NEK10: variants seen among roughly 807,000 people sequenced by gnomAD.
NEK10 encodes the protein NIMA related kinase 10, also known as serine/threonine-protein kinase Nek10.
A neutral mutation model predicts 159.8 loss-of-function variants in NEK10; 122 were observed. The ratio of observed to expected loss-of-function variants is 0.76; its 90% CI spans 0.66 to 0.89. The LOEUF is 0.89. NEK10 is among the 40% of genes least tolerant of loss of function. The probability of loss-of-function intolerance (pLI) is 0.00; values close to 1 mark genes in which losing one functional copy is unlikely to be tolerated. For synonymous variants in NEK10, 466 were observed against 457.1 expected (o/e 1.02, Z -0.25); for missense variants, 1,342 against 1,323.1 (o/e 1.01, Z -0.22).
chr3:27,151,502 A>T (rs1018212688), intron 30 of NEK10, among the ~76,000 whole-genome samples: 6 of 152,294 alleles, frequency 3.9e-5, no homozygotes, highest in African/African-American at 1.2e-4. Context: ...AAGAATCTCA[A>T]CAACAGCCTT....
intron 3 of NEK10, among the ~76,000 whole-genome samples, chr3:27,350,506 A>C (rs904426779): frequency 2.0e-5 from 3 of 152,236 alleles, no homozygotes; most frequent in Non-Finnish European, 2.9e-5. Context: ...TGAAACTTTT[A>C]TAAACACAAT....
chr3:27,282,637 G>T (rs1199621223), intron 22 of NEK10, among the ~76,000 whole-genome samples: 2 of 122,266 alleles, frequency 1.6e-5, no homozygotes, highest in African/African-American at 3.0e-5. Context: ...ATACATAACT[G>T]TGTTATATAT....
chr3:27,352,715 G>A, intron 2 of NEK10, 97 bp downstream of exon 2: 2 of 884,066 alleles, frequency 2.3e-6, no homozygotes, highest in Non-Finnish European at 3.7e-6. Context: ...CTGAATAGTA[G>A]TTGTCAAGAG....
At chr3:27,153,228 A>G (rs1258223544) in intron 30 of NEK10, among the ~76,000 whole-genome samples, 3 of 151,800 alleles carry the variant, frequency 2.0e-5, no homozygotes, top group Non-Finnish European at 2.9e-5. Context: ...GCTGAGGCAG[A>G]AGAATGGCGT....
At chr3:27,118,698 G>A (rs918221026) in intron 33 of NEK10, among the ~76,000 whole-genome samples, 1 of 152,100 alleles carries the variant, frequency 6.6e-6, no homozygotes, top group African/African-American at 2.4e-5. Context: ...TCTATGATGC[G>A]GAGAAGTTTG....
intron 23 of NEK10, among the ~76,000 whole-genome samples, chr3:27,248,677 G>T (rs1393049539): frequency 6.6e-6 from 1 of 152,082 alleles, no homozygotes; most frequent in Non-Finnish European, 1.5e-5. Flanking sequence ...TATTCCTCTT[G>T]TCACTGATTT....
At chr3:27,294,037 T>C (rs1192240151) in intron 15 of NEK10, among the ~76,000 whole-genome samples, 4 of 152,232 alleles carry the variant, frequency 2.6e-5, no homozygotes, top group Admixed American at 6.5e-5. Flanking sequence ...AATATTTATA[T>C]GGTTTCTGTG....
At chr3:27,164,866 G>A (rs1215560178) in intron 29 of NEK10, among the ~76,000 whole-genome samples, 1 of 152,224 alleles carries the variant, frequency 6.6e-6, no homozygotes, top group African/African-American at 2.4e-5. Context: ...GAGTTTGCAA[G>A]ATGACTATTC....
At position 27,295,655 on chromosome 3, in the gene NEK10, T is replaced by C; in HGVS notation, c.1266A>G (p.Leu422=). The C allele has an allele frequency of 6.4e-7, 1 of 1,567,612 alleles. No homozygotes were observed. The highest frequency in any genetic ancestry group is 2.3e-5 in the East Asian group (1 of 43,590). ...TTGCTGCATTCTTTTGCTTATTTGG[T>C]AAAATTAATTTTGCTATTGTATATA... is the stretch of plus-strand genomic sequence containing the variant. ...NGVYTIAKLI[L]PNKQKNAAKS... Residue 422 remains leucine, a synonymous_variant, in exon 15 of 36, where the codon TTA becomes TTG. Transcript: ENST00000691995.
chr3:27,314,875 C>A (rs2045031014), intron 6 of NEK10, among the ~76,000 whole-genome samples: 1 of 152,158 alleles, frequency 6.6e-6, no homozygotes, highest in Admixed American at 6.5e-5. Flanking sequence ...CACTCCGTTT[C>A]AACAAGATCT....
chr3:27,114,200 G>A (rs1851357), intron 35 of NEK10, among the ~76,000 whole-genome samples: 18,378 of 152,016 alleles, frequency 0.12, 1,334 homozygotes, highest in Non-Finnish European at 0.17. Context: ...CCTTTTTCCC[G>A]GAAGCCCAGA....
intron 7 of NEK10, among the ~76,000 whole-genome samples, chr3:27,312,649 T>G (rs1488883831): frequency 6.6e-6 from 1 of 152,150 alleles, no homozygotes; most frequent in African/African-American, 2.4e-5. Context: ...CAGAATAAAA[T>G]GCGTACTGAG....
chr3:27,132,693 G>C (rs1041878491), intron 31 of NEK10, among the ~76,000 whole-genome samples: 3 of 152,092 alleles, frequency 2.0e-5, no homozygotes, highest in African/African-American at 7.2e-5. Context: ...AAAATCAAAA[G>C]TCCTGGAAAG....
chr3:27,264,421 A>G (rs2040702916), intron 22 of NEK10, among the ~76,000 whole-genome samples: 1 of 152,204 alleles, frequency 6.6e-6, no homozygotes, highest in African/African-American at 2.4e-5. Context: ...ATCCAGTGAC[A>G]TATAAAAAGC....
At chr3:27,193,459 T>A (rs1462362376) in intron 25 of NEK10, among the ~76,000 whole-genome samples, 3 of 151,882 alleles carry the variant, frequency 2.0e-5, no homozygotes, top group Non-Finnish European at 4.4e-5. Context: ...CTATACAAGG[T>A]CTCTCTTGAA....
intron 1 of NEK10, among the ~76,000 whole-genome samples, chr3:27,356,299 G>A (rs2048322420): frequency 6.6e-6 from 1 of 152,056 alleles, no homozygotes; most frequent in Non-Finnish European, 1.5e-5. Context: ...TCACTTGAAG[G>A]TCAAGAGTTT....
At chr3:27,152,792 A>G (rs1344314901) in intron 30 of NEK10, among the ~76,000 whole-genome samples, 2 of 152,212 alleles carry the variant, frequency 1.3e-5, no homozygotes, top group African/African-American at 4.8e-5. Flanking sequence ...AGGACTCACA[A>G]AAGTTTAAAG....
intron 25 of NEK10, among the ~76,000 whole-genome samples, chr3:27,192,596 GAAAA>G (rs35385101): frequency 2.2e-5 from 3 of 134,814 alleles, no homozygotes; most frequent in Non-Finnish European, 3.2e-5. Context: ...CTGGCAGGTG[GAAAA>G]AAAAAAAAAA....
At chr3:27,297,369 A>T (rs1368352111) in intron 13 of NEK10, 129 bp from the exon 14 acceptor site, 4 of 607,956 alleles carry the variant, frequency 6.6e-6, no homozygotes, top group Non-Finnish European at 1.2e-5. Flanking sequence ...TTCTCAAGAA[A>T]CACTAATTTT....
Sources: gnomAD v4.1 joint callset for allele counts (sites outside exome capture counted in the v4.1 genomes callset) on GRCh38, gnomAD v4.1.1 for gene constraint, MANE v1.5 for transcripts, NCBI Gene and HGNC (gene_info 2026-07-23, HGNC 2026-07-21) for gene names.